Variants in NTRK3 observed in about 807,000 individuals in gnomAD.
NTRK3 encodes NT-3 growth factor receptor.
A neutral mutation model predicts 91.7 loss-of-function variants in NTRK3; 24 were observed. The observed-to-expected ratio is 0.26, with a 90% CI of 0.19 to 0.37. The LOEUF (loss-of-function observed/expected upper bound fraction) is 0.37. Ranked by LOEUF, NTRK3 falls within the 10% of genes least tolerant of loss-of-function variation. The pLI, the probability that NTRK3 is intolerant of heterozygous loss-of-function variation, is 1.00. For missense variants in NTRK3, 880 were observed against 1,068.9 expected (o/e 0.82, Z 2.46); for synonymous variants, 483 against 404.0 (o/e 1.20, Z -2.34).
rs567297947 is a variant in NTRK3, at chr15:88,164,873, T to G, written c.396-17470A>C. Among the ~76,000 whole-genome samples, 3 of 152,326 alleles carry G rather than the reference T, an allele frequency of 2.0e-5. No homozygotes were observed. The East Asian group carries it at 5.8e-4, about 29-fold the overall frequency. Reference sequence around the variant, plus strand: ...AGTCTTTTGGCCTCTCTTGTCCAATTCTGCAAAATGTTTGGGAAATGCAGT... The same window carrying G: ...AGTCTTTTGGCCTCTCTTGTCCAATGCTGCAAAATGTTTGGGAAATGCAGT... On this transcript the variant is annotated intron_variant, in intron 5 of 18. Transcript: ENST00000394480.
chr15:88,094,184 C>T (rs887812641), intron 13 of NTRK3, among the ~76,000 whole-genome samples: 5 of 152,060 alleles, frequency 3.3e-5, no homozygotes, highest in South Asian at 2.1e-4. Flanking sequence ...AAAAAGAAGT[C>T]GGCCGGGCGC....
chr15:87,929,499 C>T lies in NTRK3; in HGVS notation c.1890-65G>A, dbSNP rs1274831986. 9 of 1,587,644 alleles carry T rather than the reference C, an allele frequency of 5.7e-6. No individual in the cohort carries two copies. The Admixed American group carries it at 1.0e-4, about 18-fold the overall frequency. Reference sequence around the variant, plus strand: ...TCAGGAGATCAAGGAGAAAGGCCTTCCTGGGTCCCTGCCCTCTGGAATGCC... The same window carrying T: ...TCAGGAGATCAAGGAGAAAGGCCTTTCTGGGTCCCTGCCCTCTGGAATGCC... On this transcript the variant is annotated intron_variant, in intron 16 of 18. Coordinates refer to ENST00000394480, the Ensembl canonical transcript of NTRK3.
chr15:87,938,452 T>C (rs571481022), intron 15 of NTRK3, among the ~76,000 whole-genome samples: 1 of 152,248 alleles, frequency 6.6e-6, no homozygotes, highest in Non-Finnish European at 1.5e-5. Context: ...CTGGAGGAGA[T>C]AGGCATCTTT....
At chr15:88,199,664 C>A (rs540603958) in intron 3 of NTRK3, among the ~76,000 whole-genome samples, 237 of 152,346 alleles carry the variant, frequency 1.6e-3, no homozygotes, top group Admixed American at 5.3e-3. Flanking sequence ...TGGGACTGAC[C>A]TTCTGCGCTG....
chr15:88,161,015 AAATT>A (rs1278120674), intron 5 of NTRK3, among the ~76,000 whole-genome samples: 1 of 152,218 alleles, frequency 6.6e-6, no homozygotes, highest in African/African-American at 2.4e-5. Context: ...AGATCAAGAT[AAATT>A]AATGCATGTC....
intron 17 of NTRK3, among the ~76,000 whole-genome samples, chr15:87,923,368 T>C (rs561171948): frequency 1.3e-5 from 2 of 152,194 alleles, no homozygotes; most frequent in African/African-American, 2.4e-5. Flanking sequence ...CATTCCTTCA[T>C]GCCAGTTTCT....
At chr15:88,246,025 G>C (rs889948271) in intron 3 of NTRK3, among the ~76,000 whole-genome samples, 4 of 152,204 alleles carry the variant, frequency 2.6e-5, no homozygotes, top group African/African-American at 9.7e-5. Context: ...GCAGCCCCAG[G>C]TCAGGAAGCT....
chr15:88,106,729 G>A (rs757529955), intron 13 of NTRK3, among the ~76,000 whole-genome samples: 9 of 152,006 alleles, frequency 5.9e-5, no homozygotes, highest in African/African-American at 1.7e-4. Flanking sequence ...TCAGGAGTTC[G>A]AGACCAGCCT....
Position 88,047,027 on chromosome 15 carries a change from C to T in NTRK3, c.1397-13982G>A, listed in dbSNP as rs553385051. On this transcript the variant is annotated intron_variant, in intron 13 of 18. Coordinates refer to ENST00000394480, the Ensembl canonical transcript of NTRK3. The stretch of plus-strand genomic sequence containing the variant: ...GACCGCCCTGCAGAGGCTCCATGGG[C>T]GAGGCTGACAGCTGACACCCACAGG... 5.9e-5 allele frequency among the ~76,000 whole-genome samples: 9 copies of T among 152,276 alleles called. No individual in the cohort carries two copies. The South Asian group carries it at 6.2e-4, about 11-fold the overall frequency.
intron 3 of NTRK3, among the ~76,000 whole-genome samples, chr15:88,247,077 A>G (rs2141965321): frequency 6.6e-6 from 1 of 152,346 alleles, no homozygotes; most frequent in Admixed American, 6.5e-5. Context: ...CACGATGTGC[A>G]CAGAACACAG....
chr15:88,053,525 C>A (rs541443869), intron 13 of NTRK3, among the ~76,000 whole-genome samples: 1 of 152,278 alleles, frequency 6.6e-6, no homozygotes, highest in South Asian at 2.1e-4. Flanking sequence ...ATCTGATGCC[C>A]AACATACAGT....
chr15:87,944,203 C>T (rs2070188868), intron 14 of NTRK3, among the ~76,000 whole-genome samples: 1 of 152,206 alleles, frequency 6.6e-6, no homozygotes. Flanking sequence ...GGATAAGAAG[C>T]TCCACAAGGT....
intron 17 of NTRK3, among the ~76,000 whole-genome samples, chr15:87,884,201 T>C (rs2065408181): frequency 6.6e-6 from 1 of 151,548 alleles, no homozygotes; most frequent in South Asian, 2.1e-4. Context: ...ATAAGGGATG[T>C]AGAGGAGACA....
chr15:88,123,807 A>G (rs190975395), intron 13 of NTRK3, among the ~76,000 whole-genome samples: 2 of 152,354 alleles, frequency 1.3e-5, no homozygotes, highest in East Asian at 1.9e-4. Flanking sequence ...GGAAGGTTCA[A>G]TAAGAGGTTA....
At chr15:88,114,762 C>A (rs1179700696) in intron 13 of NTRK3, among the ~76,000 whole-genome samples, 2 of 152,198 alleles carry the variant, frequency 1.3e-5, no homozygotes, top group African/African-American at 4.8e-5. Flanking sequence ...TAGGAAGGGA[C>A]TGAAACTAAC....
At chr15:88,016,332 A>T (rs1012349912) in intron 14 of NTRK3, among the ~76,000 whole-genome samples, 6 of 152,222 alleles carry the variant, frequency 3.9e-5, no homozygotes, top group Non-Finnish European at 8.8e-5. Context: ...GCCAATGAGG[A>T]AGCCCTGAGG....
chr15:88,200,081 G>A (rs144049707), intron 3 of NTRK3, among the ~76,000 whole-genome samples: 23 of 152,344 alleles, frequency 1.5e-4, no homozygotes, highest in Non-Finnish European at 2.8e-4. Context: ...GTGGGTGACC[G>A]TGAATAAATT....
chr15:88,082,283 A>C (rs1310461934), intron 13 of NTRK3, among the ~76,000 whole-genome samples: 1 of 152,022 alleles, frequency 6.6e-6, no homozygotes, highest in Non-Finnish European at 1.5e-5. Context: ...GTCTCAAAAA[A>C]AAAAAAAAAA....
In NTRK3 at chr15:88,146,639, G is replaced by C. The variant is rs1226911290; in HGVS notation, c.464+696C>G. 3.3e-5 allele frequency among the ~76,000 whole-genome samples: 5 copies of C among 152,324 alleles called. No individual in the cohort carries two copies. In the East Asian group the frequency reaches 9.6e-4, roughly 29 times the overall value. ...CATTTGGCCTTCCTTTGTTTGTGCA[G>C]AATGGCTGGCTGGGATAGGGGTGCC... is the stretch of plus-strand genomic sequence containing the variant. On this transcript the variant is annotated intron_variant, in intron 6 of 18. Coordinates refer to ENST00000394480, the Ensembl canonical transcript of NTRK3.
Sources: allele counts gnomAD v4.1 joint callset (sites outside exome capture counted in the v4.1 genomes callset), GRCh38; gene constraint gnomAD v4.1.1; transcripts MANE v1.5; gene names NCBI Gene and HGNC (gene_info 2026-07-23, HGNC 2026-07-21).